CPED1: variants seen among roughly 807,000 people sequenced by gnomAD.
The protein encoded by CPED1 is cadherin-like and PC-esterase domain-containing protein 1.
In CPED1, 114 loss-of-function variants were observed where a neutral mutation model predicts 128.2. The ratio of observed to expected loss-of-function variants is 0.89; its 90% CI spans 0.76 to 1.04. The LOEUF is 1.04. Among genes scored for constraint, CPED1 ranks in the 50% least tolerant of loss-of-function variants. CPED1 has a pLI of 0.00. For synonymous variants in CPED1, 462 were observed against 426.7 expected (o/e 1.08, Z -1.02); for missense variants, 1,211 against 1,207.1 (o/e 1.00, Z -0.05).
At chr7:121,020,235 T>C (rs1025097119) in intron 3 of CPED1, among the ~76,000 whole-genome samples, 3 of 152,042 alleles carry the variant, frequency 2.0e-5, no homozygotes, top group African/African-American at 2.4e-5. Context: ...TAACATAGAA[T>C]GTTTTTTGAA....
intron 16 of CPED1, among the ~76,000 whole-genome samples, chr7:121,232,080 T>C (rs1798153547): frequency 6.6e-6 from 1 of 151,978 alleles, no homozygotes; most frequent in Non-Finnish European, 1.5e-5. Flanking sequence ...AATGGAATAA[T>C]GGTTTGAAAG....
At chr7:121,233,093 G>A (rs767587029) in intron 16 of CPED1, among the ~76,000 whole-genome samples, 6 of 151,998 alleles carry the variant, frequency 3.9e-5, no homozygotes, top group East Asian at 1.9e-4. Context: ...TAATGATTCC[G>A]GTTAGTTACT....
chr7:121,032,529 G>C (rs891217640), intron 3 of CPED1, among the ~76,000 whole-genome samples: 3 of 146,062 alleles, frequency 2.1e-5, no homozygotes, highest in Non-Finnish European at 4.5e-5. Context: ...CCGCGGGGGG[G>C]GCCTGTCAGG....
intron 5 of CPED1, chr7:121,083,751 G>GC (rs1236856912): frequency 6.6e-6 from 1 of 152,152 alleles, no homozygotes; most frequent in Non-Finnish European, 1.5e-5. Flanking sequence ...TACTGACCAA[G>GC]CCCGACCCTG....
At chr7:121,138,861 A>T (rs1342456655) in intron 14 of CPED1, among the ~76,000 whole-genome samples, 1 of 151,914 alleles carries the variant, frequency 6.6e-6, no homozygotes, top group Non-Finnish European at 1.5e-5. Flanking sequence ...GTTTAATGTT[A>T]TATTGGGTTT....
intron 16 of CPED1, among the ~76,000 whole-genome samples, chr7:121,198,267 T>G (rs749519661): frequency 6.6e-6 from 1 of 152,146 alleles, no homozygotes; most frequent in Non-Finnish European, 1.5e-5. Flanking sequence ...TAAGAAGGCT[T>G]TTTTATTCAA....
In CPED1 at chr7:120,989,778, T is replaced by C; in HGVS notation, c.157T>C (p.Ser53Pro). The C allele has an allele frequency of 1.2e-6, 2 of 1,613,708 alleles. No individual in the cohort carries two copies. Among genetic ancestry groups the C allele is most frequent in the African/African-American group, 1.3e-5 (1 of 74,866 alleles). Residue 53 changes from serine (S) to proline (P), a missense_variant, in exon 2 of 23, where the codon TCC becomes CCC. Ser to Pro is a moderately conservative substitution (Grantham distance 74). Coordinates refer to ENST00000310396, the MANE Select transcript of CPED1 (RefSeq NM_024913.5). ...TGCCCCTGGGGCTGTCCCACACACATCCACTGAAACCCAGGCAAGCAGATG... is the reference window on the plus strand; with the variant it reads ...TGCCCCTGGGGCTGTCCCACACACACCCACTGAAACCCAGGCAAGCAGATG... ...AAAPGAVPHT[S>P]TETQASRCKK...
At chr7:121,201,438 A>G (rs1184167651) in intron 16 of CPED1, among the ~76,000 whole-genome samples, 7 of 137,032 alleles carry the variant, frequency 5.1e-5, no homozygotes, top group Non-Finnish European at 9.4e-5. Context: ...GTCATCAAGA[A>G]AGAAAGAGAA....
At chr7:121,069,208 C>G (rs985683755) in intron 5 of CPED1, among the ~76,000 whole-genome samples, 2 of 152,090 alleles carry the variant, frequency 1.3e-5, no homozygotes, top group African/African-American at 4.8e-5. Context: ...GTGTCTCCAA[C>G]AATTTCAGAG....
In CPED1 at chr7:120,989,821, A is replaced by T. The variant is rs925744606; in HGVS notation, c.200A>T (p.Gln67Leu). 1.9e-6 allele frequency: 3 copies of T among 1,614,062 alleles called. No individual in the cohort carries two copies. Among genetic ancestry groups the T allele is most frequent in the Non-Finnish European group, 2.5e-6 (3 of 1,180,046 alleles). Residue 67 changes from glutamine to leucine, a missense_variant, in exon 2 of 23, where the codon CAG (glutamine) becomes CTG (leucine). Coordinates refer to ENST00000310396, the MANE Select transcript of CPED1 (RefSeq NM_024913.5). ...QASRCKKGFS[Q>L]DKQCFLLSGN... is the part of the protein sequence containing the mutation. ...AGCAGATGCAAGAAAGGATTCTCTC[A>T]GGACAAACAGTGCTTCCTTCTCTCT...
At chr7:121,049,913 C>A (rs1047758911) in intron 4 of CPED1, among the ~76,000 whole-genome samples, 1 of 152,172 alleles carries the variant, frequency 6.6e-6, no homozygotes, top group African/African-American at 2.4e-5. Context: ...AGGTTAAAGC[C>A]AAGGATGCTG....
In CPED1 at chr7:121,125,877, C is replaced by T. The variant is rs202194529; in HGVS notation, c.1119C>T (p.Tyr373=). 1.1e-5 allele frequency: 18 copies of T among 1,612,204 alleles called. No homozygotes were observed. In the East Asian group the frequency reaches 3.8e-4, roughly 34 times the overall value. The stretch of plus-strand genomic sequence containing the variant: ...ATATTGGTTATGGCAGTTTCATGTA[C>T]CCTGTAGTGCTCCAGGTCAGTATGC... ...TFDIGYGSFM[Y]PVVLQVHEHL... The change falls in exon 9 of 23, where the codon TAC becomes TAT. Residue 373 remains tyrosine, a synonymous_variant. Coordinates refer to ENST00000310396, the MANE Select transcript of CPED1 (RefSeq NM_024913.5).
chr7:121,190,348 C>T (rs1408424833), intron 16 of CPED1, among the ~76,000 whole-genome samples: 4 of 146,870 alleles, frequency 2.7e-5, no homozygotes, highest in East Asian at 4.0e-4. Flanking sequence ...GCCGAGATCG[C>T]GCCACTGTAC....
At chr7:121,126,093 C>T (rs1409569139) in intron 9 of CPED1, among the ~76,000 whole-genome samples, 1 of 151,962 alleles carries the variant, frequency 6.6e-6, no homozygotes, top group African/African-American at 2.4e-5. Context: ...CTATGTGTCT[C>T]TGTAAAATAA....
intron 16 of CPED1, among the ~76,000 whole-genome samples, chr7:121,147,009 T>C (rs552619024): frequency 6.6e-6 from 1 of 152,228 alleles, no homozygotes; most frequent in East Asian, 1.9e-4. Context: ...TAGATTCCTA[T>C]AGCAACCCCC....
rs944322634 is a variant in CPED1, at chr7:121,130,292, A to T, written c.1575A>T (p.Glu525Asp). The T allele has an allele frequency of 6.3e-7, 1 of 1,590,922 alleles. No individual in the cohort carries two copies. The highest frequency in any genetic ancestry group is 8.5e-7 in the Non-Finnish European group (1 of 1,172,466). The change falls in exon 12 of 23, where the codon GAA becomes GAT. Residue 525 changes from glutamate to aspartate, a missense_variant and splice_region_variant. By Grantham distance (45) the Glu-to-Asp change is conservative. Transcript: ENST00000310396. The part of the protein sequence containing the change: ...MNKKTQPHPL[E>D]WNSFTEDKNI... ...AAAAGACACAGCCACATCCACTGGA[A>T]TGGTAAGATAGCCACAAATTTGAAT... is the stretch of plus-strand genomic sequence containing the variant.
intron 16 of CPED1, among the ~76,000 whole-genome samples, chr7:121,200,947 TC>T (rs1797381497): frequency 8.1e-6 from 1 of 123,718 alleles, no homozygotes; most frequent in Non-Finnish European, 1.8e-5. Context: ...TAAAGGCAAA[TC>T]AAAAGAGAGA....
chr7:121,030,855 T>C (rs568541095), intron 3 of CPED1, among the ~76,000 whole-genome samples: 3 of 152,340 alleles, frequency 2.0e-5, no homozygotes, highest in African/African-American at 7.2e-5. Context: ...GGGGGACTAC[T>C]ATATTAATTA....
intron 5 of CPED1, among the ~76,000 whole-genome samples, chr7:121,069,078 G>A (rs1184025763): frequency 1.3e-5 from 2 of 152,036 alleles, no homozygotes; most frequent in African/African-American, 2.4e-5. Flanking sequence ...CTGGAGTGAG[G>A]CACTATCTCT....
Sources: allele counts gnomAD v4.1 joint callset (sites outside exome capture counted in the v4.1 genomes callset), GRCh38; gene constraint gnomAD v4.1.1; transcripts MANE v1.5; gene names NCBI Gene and HGNC (gene_info 2026-07-23, HGNC 2026-07-21).